PBX3: variants seen among roughly 807,000 people sequenced by gnomAD.
PBX3 encodes PBX homeobox 3.
Under a neutral mutation model 48.5 loss-of-function variants are expected in PBX3, and 14 were observed. That is an observed-to-expected ratio of 0.29 (90% CI 0.19 to 0.45). The LOEUF (loss-of-function observed/expected upper bound fraction) is 0.45. Ranked by LOEUF, PBX3 falls within the 20% of genes least tolerant of loss-of-function variation. PBX3 has a pLI of 1.00. For synonymous variants in PBX3, 210 were observed against 200.3 expected (o/e 1.05, Z -0.41); for missense variants, 386 against 546.7 (o/e 0.71, Z 2.93).
chr9:125,780,152 C>T (rs557523629), intron 2 of PBX3, among the ~76,000 whole-genome samples: 282 of 136,730 alleles, frequency 2.1e-3, no homozygotes, highest in Non-Finnish European at 3.8e-3. Context: ...GCAGAGGCGC[C>T]CCTCACCTCC....
At chr9:125,856,132 GGTAAA>G (rs909275839) in intron 2 of PBX3, among the ~76,000 whole-genome samples, 33 of 151,726 alleles carry the variant, frequency 2.2e-4, no homozygotes, top group African/African-American at 7.0e-4. Flanking sequence ...CAATGGACTT[GGTAAA>G]GTAATTTAAT....
Position 125,835,051 on chromosome 9 carries a change from A to AAAAAAAAAG in PBX3, c.275-80635_275-80634insAAAAAAAAG, listed in dbSNP as rs1564681272. ...AAAAAAAAAAAAAAAAAAAAAAAAA[A>AAAAAAAAAG]GGGCAAAAGATATGAAAAGACAAGT... On this transcript the variant is annotated intron_variant, in intron 2 of 8. Coordinates refer to ENST00000373489, the MANE Select transcript of PBX3 (RefSeq NM_006195.6). 1.9e-5 allele frequency among the ~76,000 whole-genome samples: 2 copies of AAAAAAAAAG among 108,002 alleles called. 1 individual carries two copies. Among genetic ancestry groups the AAAAAAAAAG allele is most frequent in the African/African-American group, 7.6e-5 (2 of 26,310 alleles). The allele number at this position is 108,002 out of a possible 152,430, so 70.9% of individuals were successfully genotyped here.
At chr9:125,816,072 A>C (rs1222753967) in intron 2 of PBX3, among the ~76,000 whole-genome samples, 1 of 152,022 alleles carries the variant, frequency 6.6e-6, no homozygotes, top group Non-Finnish European at 1.5e-5. Flanking sequence ...GGGTGCGATC[A>C]TGGCTCACTG....
intron 2 of PBX3, among the ~76,000 whole-genome samples, chr9:125,758,119 C>T (rs924179038): frequency 6.6e-6 from 1 of 152,148 alleles, no homozygotes; most frequent in African/African-American, 2.4e-5. Flanking sequence ...AGTAGAGATA[C>T]TGAATGCCTG....
At chr9:125,824,065 G>A (rs1289664162) in intron 2 of PBX3, among the ~76,000 whole-genome samples, 4 of 144,800 alleles carry the variant, frequency 2.8e-5, no homozygotes, top group African/African-American at 5.2e-5. Context: ...GACAGAGCAA[G>A]ACTTTGTCTC....
intron 2 of PBX3, among the ~76,000 whole-genome samples, chr9:125,804,136 G>T (rs1420984892): frequency 1.3e-5 from 2 of 152,188 alleles, no homozygotes; most frequent in Admixed American, 1.3e-4. Flanking sequence ...AAAGTTACTA[G>T]AAATGGTGAA....
chr9:125,804,607 T>G (rs1204395256), intron 2 of PBX3, among the ~76,000 whole-genome samples: 1 of 152,136 alleles, frequency 6.6e-6, no homozygotes, highest in Non-Finnish European at 1.5e-5. Flanking sequence ...TGATACAAAT[T>G]ATGTGCCAGG....
intron 2 of PBX3, among the ~76,000 whole-genome samples, chr9:125,826,386 G>C (rs944234414): frequency 6.6e-6 from 1 of 152,098 alleles, no homozygotes; most frequent in Admixed American, 6.5e-5. Flanking sequence ...AAACAGAATT[G>C]AAAATCAGAT....
At chr9:125,945,911 G>T (rs1842055930) in intron 5 of PBX3, among the ~76,000 whole-genome samples, 1 of 152,196 alleles carries the variant, frequency 6.6e-6, no homozygotes, top group Non-Finnish European at 1.5e-5. Context: ...GGAACCTGCA[G>T]ATAATAAGAA....
At chr9:125,808,784 A>G (rs1426689622) in intron 2 of PBX3, among the ~76,000 whole-genome samples, 1 of 152,160 alleles carries the variant, frequency 6.6e-6, no homozygotes, top group African/African-American at 2.4e-5. Flanking sequence ...ATTTTTGTCA[A>G]CCAATCATAC....
At chr9:125,953,796 G>A (rs1011065373) in intron 5 of PBX3, among the ~76,000 whole-genome samples, 1 of 152,154 alleles carries the variant, frequency 6.6e-6, no homozygotes, top group Admixed American at 6.5e-5. Context: ...CCAGTATGAG[G>A]GGTTCCCATG....
intron 3 of PBX3, among the ~76,000 whole-genome samples, chr9:125,924,018 C>A (rs1841514442): frequency 6.6e-6 from 1 of 151,816 alleles, no homozygotes; most frequent in South Asian, 2.1e-4. Context: ...GTGTGTGCTA[C>A]CATGCCCGGC....
At chr9:125,908,165 C>T (rs1841119691) in intron 2 of PBX3, among the ~76,000 whole-genome samples, 1 of 152,086 alleles carries the variant, frequency 6.6e-6, no homozygotes, top group African/African-American at 2.4e-5. Flanking sequence ...TGCTTTTTGG[C>T]AGAAACATCT....
At chr9:125,856,362 A>G (rs983218743) in intron 2 of PBX3, among the ~76,000 whole-genome samples, 2 of 152,302 alleles carry the variant, frequency 1.3e-5, no homozygotes, top group East Asian at 1.9e-4. Context: ...CAGGCTTAAA[A>G]TGCTGTGTGA....
At chr9:125,790,708 G>A (rs908836208) in intron 2 of PBX3, among the ~76,000 whole-genome samples, 23 of 152,040 alleles carry the variant, frequency 1.5e-4, no homozygotes, top group African/African-American at 5.1e-4. Context: ...GGCTGGGACT[G>A]CAGTTGTGCA....
At chr9:125,800,552 G>C (rs75947707) in intron 2 of PBX3, among the ~76,000 whole-genome samples, 3,588 of 151,976 alleles carry the variant, frequency 0.024, 178 homozygotes, top group East Asian at 0.17. Flanking sequence ...CAACATAAAC[G>C]AGCATTATCC....
intron 2 of PBX3, among the ~76,000 whole-genome samples, chr9:125,867,438 G>A (rs1294232048): frequency 2.6e-5 from 4 of 151,774 alleles, no homozygotes; most frequent in African/African-American, 9.7e-5. Flanking sequence ...TCAGGAGTTC[G>A]AGACCAGCCT....
chr9:125,834,880 G>A (rs1176773459), intron 2 of PBX3, among the ~76,000 whole-genome samples: 2 of 150,380 alleles, frequency 1.3e-5, no homozygotes, highest in African/African-American at 2.4e-5. Flanking sequence ...AGCCAAGTGT[G>A]GTGGCAGGCG....
At chr9:125,776,785 C>T (rs917897392) in intron 2 of PBX3, among the ~76,000 whole-genome samples, 3 of 152,064 alleles carry the variant, frequency 2.0e-5, no homozygotes, top group Non-Finnish European at 4.4e-5. Flanking sequence ...CTCAAGCAGT[C>T]TACCTGTCTC....
Sources: allele counts gnomAD v4.1 joint callset (sites outside exome capture counted in the v4.1 genomes callset), GRCh38; gene constraint gnomAD v4.1.1; transcripts MANE v1.5; gene names NCBI Gene and HGNC (gene_info 2026-07-23, HGNC 2026-07-21).